ZNF236: variants seen among roughly 807,000 people sequenced by gnomAD.
The protein encoded by ZNF236 is zinc finger protein 236, also known as regulated by glucose.
Under a neutral mutation model 191.2 loss-of-function variants are expected in ZNF236, and 50 were observed. The ratio of observed to expected loss-of-function variants is 0.26; its 90% CI spans 0.21 to 0.33. The LOEUF (loss-of-function observed/expected upper bound fraction) is 0.33. Among genes scored for constraint, ZNF236 ranks in the 10% least tolerant of loss-of-function variants. The probability of loss-of-function intolerance (pLI) is 1.00; values close to 1 mark genes in which losing one functional copy is unlikely to be tolerated. For synonymous variants in ZNF236, 907 were observed against 928.8 expected, an observed-to-expected ratio of 0.98 and a Z score of 0.43; for missense variants, 1,754 against 2,374.5, an observed-to-expected ratio of 0.74 and a Z score of 5.43.
At chr18:76,956,388 TCA>T (rs1968526256) in intron 28 of ZNF236, among the ~76,000 whole-genome samples, 1 of 152,216 alleles carries the variant, frequency 6.6e-6, no homozygotes, top group South Asian at 2.1e-4. Flanking sequence ...CACCTGCAAC[TCA>T]CAATCAATTT....
At chr18:76,931,826 T>A (rs28653144) in intron 25 of ZNF236, among the ~76,000 whole-genome samples, 3 of 152,216 alleles carry the variant, frequency 2.0e-5, no homozygotes, top group African/African-American at 7.2e-5. Context: ...TCTCTTCACC[T>A]TGTAGAGATT....
At chr18:76,877,399 T>C (rs886162682) in intron 6 of ZNF236, among the ~76,000 whole-genome samples, 1 of 151,872 alleles carries the variant, frequency 6.6e-6, no homozygotes, top group African/African-American at 2.4e-5. Flanking sequence ...TCCCAGCTAC[T>C]TGGGAGGCTG....
Position 76,849,663 on chromosome 18 carries a change from G to A in ZNF236, c.193G>A (p.Asp65Asn). The A allele has an allele frequency of 1.9e-6, 3 of 1,578,334 alleles. No individual in the cohort carries two copies. The highest frequency in any genetic ancestry group is 2.7e-5 in the African/African-American group (2 of 72,976). Residue 65 changes from aspartate (D) to asparagine (N), a missense_variant, in exon 2 of 31, where the codon GAC becomes AAC. Transcript: ENST00000320610. ...CCACATGAGGGATCACGAGCGAAAT[G>A]ACAAGGTATGTATTTTCAAAGGTGA... ...QRHMRDHERN[D>N]KPHRCDQCPQ...
At chr18:76,834,387 TTTCA>T (rs1975259383) in intron 1 of ZNF236, 1 of 181,000 alleles carries the variant, frequency 5.5e-6, no homozygotes, top group Admixed American at 6.2e-5. Flanking sequence ...TTTTTTTTTT[TTTCA>T]TTTCAAGTTT....
intron 9 of ZNF236, chr18:76,888,853 G>T (rs1977141993): frequency 6.6e-6 from 1 of 152,380 alleles, no homozygotes; most frequent in African/African-American, 2.4e-5. Flanking sequence ...CTGGCCAGTG[G>T]TCTTCCTCTT....
At chr18:76,879,189 T>G (rs17652568) in intron 7 of ZNF236, among the ~76,000 whole-genome samples, 1 of 152,090 alleles carries the variant, frequency 6.6e-6, no homozygotes, top group African/African-American at 2.4e-5. Flanking sequence ...AGAAAAATAG[T>G]CCAGATCATT....
chr18:76,953,758 A>G (rs1404555153), intron 27 of ZNF236, among the ~76,000 whole-genome samples: 1 of 152,038 alleles, frequency 6.6e-6, no homozygotes, highest in Admixed American at 6.5e-5. Context: ...TGAAATATTG[A>G]CCTTGTTTCA....
Position 76,879,433 on chromosome 18 carries a change from ATAT to A in ZNF236, c.985-671_985-669del, listed in dbSNP as rs915601609. ...TTACAACTGGTGAACGAATGTGGAT[ATAT>A]TATTATTAGTAACCAAAGTCCATAG... On this transcript the variant is annotated intron_variant, in intron 7 of 30. Coordinates refer to ENST00000320610, the MANE Select transcript of ZNF236 (RefSeq NM_001306089.2). 3.3e-5 allele frequency among the ~76,000 whole-genome samples: 5 copies of A among 152,266 alleles called. 1 individual carries two copies. Among genetic ancestry groups the A allele is most frequent in the African/African-American group, 1.2e-4 (5 of 41,564 alleles).
At chr18:76,849,758 T>A in intron 2 of ZNF236, 90 bp downstream of exon 2, 2 of 1,257,094 alleles carry the variant, frequency 1.6e-6, no homozygotes, top group Non-Finnish European at 2.1e-6. Context: ...ACTTTTAATT[T>A]AGGTTCCTAA....
At chr18:76,866,788 C>T (rs1053208586) in intron 3 of ZNF236, among the ~76,000 whole-genome samples, 1 of 152,080 alleles carries the variant, frequency 6.6e-6, no homozygotes, top group South Asian at 2.1e-4. Context: ...GTTCTTCTTA[C>T]AGAAGAACAC....
At chr18:76,892,316 GTA>G (rs1568215659) in intron 9 of ZNF236, among the ~76,000 whole-genome samples, 1 of 151,258 alleles carries the variant, frequency 6.6e-6, no homozygotes, top group Non-Finnish European at 1.5e-5. Flanking sequence ...AGTGTATACT[GTA>G]TATTTCTTTA....
intron 9 of ZNF236, 82 bp downstream of exon 9, chr18:76,881,594 CT>C: frequency 8.2e-7 from 1 of 1,214,410 alleles, no homozygotes; most frequent in Non-Finnish European, 1.1e-6. Context: ...CTTTTTTCCT[CT>C]GAAGGTGATA....
chr18:76,841,147 C>G (rs1271959620), intron 1 of ZNF236: 2 of 152,312 alleles, frequency 1.3e-5, no homozygotes, highest in Non-Finnish European at 2.9e-5. Context: ...CCATGTTGGT[C>G]AGGCTGGTCT....
intron 26 of ZNF236, among the ~76,000 whole-genome samples, chr18:76,943,047 C>T (rs1350136348): frequency 2.2e-5 from 3 of 138,206 alleles, no homozygotes; most frequent in Non-Finnish European, 4.5e-5. Flanking sequence ...GGCGTGAACC[C>T]GGGAAGTGGA....
At chr18:76,841,736 C>T (rs1056848606) in intron 1 of ZNF236, among the ~76,000 whole-genome samples, 1 of 146,694 alleles carries the variant, frequency 6.8e-6, no homozygotes, top group Non-Finnish European at 1.5e-5. Context: ...TCTTGTCATC[C>T]AGGCTGGAGT....
In ZNF236 at chr18:76,875,444, G is replaced by A; in HGVS notation, c.668-48G>A. 7.0e-7 allele frequency: 1 copy of A among 1,428,100 alleles called. No individual in the cohort carries two copies. The highest frequency in any genetic ancestry group is 9.3e-7 in the Non-Finnish European group (1 of 1,078,856). 88.5% of individuals were successfully genotyped at this position (1,428,100 alleles called of 1,614,324 possible). A position where few individuals can be genotyped will look rare whatever the true frequency, so the allele number is the denominator to read the frequency against. ...TGTTGTTCTTTTCAATCCGTAAGAT[G>A]CCCATACAATATGGAATTATATTTT... On this transcript the variant is annotated intron_variant, in intron 5 of 30. Coordinates refer to ENST00000320610, the MANE Select transcript of ZNF236 (RefSeq NM_001306089.2). The surrounding 1 kb of genome is among the most constrained non-coding windows in gnomAD (Gnocchi z 4.3).
At chr18:76,903,339 G>A (rs902034418) in intron 11 of ZNF236, among the ~76,000 whole-genome samples, 2 of 152,224 alleles carry the variant, frequency 1.3e-5, no homozygotes, top group Non-Finnish European at 2.9e-5. Context: ...AACTCTCAGA[G>A]GTCCGGGGCT....
intron 1 of ZNF236, among the ~76,000 whole-genome samples, chr18:76,838,382 T>C (rs949206923): frequency 1.3e-5 from 2 of 152,248 alleles, no homozygotes; most frequent in African/African-American, 4.8e-5. Flanking sequence ...TTAATGCCTT[T>C]ATCTCTCAGA....
intron 10 of ZNF236, among the ~76,000 whole-genome samples, chr18:76,895,539 A>G (rs538967610): frequency 6.6e-6 from 1 of 151,942 alleles, no homozygotes; most frequent in Non-Finnish European, 1.5e-5. Context: ...ACAGTACCCA[A>G]CACAGCAATG....
Sources: allele counts gnomAD v4.1 joint callset (sites outside exome capture counted in the v4.1 genomes callset), GRCh38; gene constraint gnomAD v4.1.1; non-coding constraint Gnocchi (gnomAD v3.1); transcripts MANE v1.5; gene names NCBI Gene and HGNC (gene_info 2026-07-23, HGNC 2026-07-21).